Variants in TUSC7 observed in about 807,000 individuals in gnomAD.
TUSC7 encodes the protein LSAMP antisense RNA 3.
intron 1 of TUSC7, chr3:116,710,094 G>T (rs1049097721): frequency 6.6e-6 from 1 of 152,046 alleles, no homozygotes; most frequent in East Asian, 1.9e-4. Context: ...TGAACACTTA[G>T]AATAAAAATT....
intron 1 of TUSC7, among the ~76,000 whole-genome samples, chr3:116,714,340 T>C (rs1413802506): frequency 1.3e-5 from 2 of 152,214 alleles, no homozygotes; most frequent in Admixed American, 6.6e-5. Context: ...GGCATGATGA[T>C]CTTTCTGAAA....
chr3:116,715,612 G>A (rs1242247621), intron 1 of TUSC7, among the ~76,000 whole-genome samples: 1 of 152,096 alleles, frequency 6.6e-6, no homozygotes, highest in African/African-American at 2.4e-5. Flanking sequence ...TTTGCCATAT[G>A]TATATTTTCT....
intron 1 of TUSC7, among the ~76,000 whole-genome samples, chr3:116,713,178 C>T (rs1453017118): frequency 1.3e-5 from 2 of 152,094 alleles, no homozygotes; most frequent in Non-Finnish European, 2.9e-5. Context: ...CCTCACTGTA[C>T]CCATTGTCTT....
intron 1 of TUSC7, among the ~76,000 whole-genome samples, chr3:116,715,980 C>A (rs1200775265): frequency 6.6e-6 from 1 of 152,132 alleles, no homozygotes; most frequent in African/African-American, 2.4e-5. Flanking sequence ...CATGCCCTTA[C>A]AACAATCCTA....
At chr3:116,713,574 T>C (rs1015705784) in intron 1 of TUSC7, among the ~76,000 whole-genome samples, 1 of 152,242 alleles carries the variant, frequency 6.6e-6, no homozygotes, top group Admixed American at 6.5e-5. Flanking sequence ...CTGTTGTTTC[T>C]AACTAGAGTT....
At chr3:116,709,906 G>A (rs900533995) in intron 1 of TUSC7, 1 of 152,034 alleles carries the variant, frequency 6.6e-6, no homozygotes, top group African/African-American at 2.4e-5. Flanking sequence ...AGTTTCTATA[G>A]GTAGAGGATA....
intron 1 of TUSC7, among the ~76,000 whole-genome samples, chr3:116,711,578 T>G (rs1354306553): frequency 2.0e-5 from 3 of 152,182 alleles, no homozygotes; most frequent in Non-Finnish European, 4.4e-5. Context: ...TGAATCATAA[T>G]TCAATCCTCA....
chr3:116,714,465 G>A (rs1298615586), intron 1 of TUSC7, among the ~76,000 whole-genome samples: 1 of 152,146 alleles, frequency 6.6e-6, no homozygotes, highest in Non-Finnish European at 1.5e-5. Context: ...ACATTAATGT[G>A]TATATAAATC....
chr3:116,713,110 C>T (rs1011649764), intron 1 of TUSC7, among the ~76,000 whole-genome samples: 2 of 152,122 alleles, frequency 1.3e-5, no homozygotes, highest in Non-Finnish European at 2.9e-5. Flanking sequence ...ACAATGTAGA[C>T]TATAATCACT....
At chr3:116,716,132 A>G (rs1420265622) in intron 1 of TUSC7, 4 of 152,236 alleles carry the variant, frequency 2.6e-5, no homozygotes, top group African/African-American at 9.6e-5. Flanking sequence ...TTCTGATGAA[A>G]GCACTGATTT....
rs140127876 is a variant in TUSC7 at position 116,711,771 on chromosome 3, T to C, written n.98+1895T>C. Reference sequence around the variant, plus strand: ...AGTTTCAATAAAGCATCTCATGAAATATCTATATTCAGCTTCAGTCTAATA... The same window carrying C: ...AGTTTCAATAAAGCATCTCATGAAACATCTATATTCAGCTTCAGTCTAATA... On this transcript the variant is annotated intron_variant and non_coding_transcript_variant, in intron 1 of 2. Coordinates refer to ENST00000477805, the Ensembl canonical transcript of TUSC7. 6.6e-5 allele frequency among the ~76,000 whole-genome samples: 10 copies of C among 152,258 alleles called. No individual in the cohort carries two copies. In the East Asian group the frequency reaches 1.9e-3, roughly 29 times the overall value.
At chr3:116,711,442 A>G (rs1420990052) in intron 1 of TUSC7, among the ~76,000 whole-genome samples, 1 of 152,160 alleles carries the variant, frequency 6.6e-6, no homozygotes, top group African/African-American at 2.4e-5. Flanking sequence ...AGAGGGCATG[A>G]TTATTATTCA....
chr3:116,713,180 C>G (rs2107471916), intron 1 of TUSC7, among the ~76,000 whole-genome samples: 1 of 152,252 alleles, frequency 6.6e-6, no homozygotes, highest in Admixed American at 6.5e-5. Context: ...TCACTGTACC[C>G]ATTGTCTTGT....
chr3:116,710,932 C>A (rs899369589), intron 1 of TUSC7, among the ~76,000 whole-genome samples: 3 of 151,930 alleles, frequency 2.0e-5, no homozygotes, highest in Non-Finnish European at 4.4e-5. Context: ...TAACAAACTG[C>A]ATTAACAAAG....
chr3:116,713,752 G>T (rs7638310), intron 1 of TUSC7, among the ~76,000 whole-genome samples: 72,956 of 152,036 alleles, frequency 0.48, 21,106 homozygotes, highest in East Asian at 0.68. Flanking sequence ...CATCACCTGA[G>T]GTCAGGAGTT....
At chr3:116,716,202 A>T (rs2051505528) in intron 1 of TUSC7, 1 of 152,240 alleles carries the variant, frequency 6.6e-6, no homozygotes, top group African/African-American at 2.4e-5. Flanking sequence ...CACCTCAAAT[A>T]AAGGTGGGGA....
intron 1 of TUSC7, chr3:116,714,099 C>T (rs2051485729): frequency 6.6e-6 from 1 of 152,034 alleles, no homozygotes; most frequent in Admixed American, 6.6e-5. Context: ...ACATCTTTTA[C>T]CCACCAGGAA....
intron 1 of TUSC7, among the ~76,000 whole-genome samples, chr3:116,710,596 T>C (rs1317330189): frequency 3.9e-5 from 6 of 152,118 alleles, no homozygotes; most frequent in Non-Finnish European, 7.4e-5. Flanking sequence ...TATAAAAAAC[T>C]GATATGAAAG....
intron 1 of TUSC7, chr3:116,714,152 T>TTA (rs2051486214): frequency 1.3e-5 from 2 of 149,540 alleles, no homozygotes. Context: ...GGGAAACAGG[T>TTA]AAAAAAAAAA....
Sources: gnomAD v4.1 joint callset for allele counts (sites outside exome capture counted in the v4.1 genomes callset) on GRCh38, gnomAD v4.1.1 for gene constraint, MANE v1.5 for transcripts, NCBI Gene and HGNC (gene_info 2026-07-23, HGNC 2026-07-21) for gene names.